Variants in SLC26A5 observed in about 807,000 individuals in gnomAD.
SLC26A5 encodes prestin.
Under a neutral mutation model 81.0 loss-of-function variants are expected in SLC26A5, and 51 were observed. That is an observed-to-expected ratio of 0.63 (90% CI 0.50 to 0.80). SLC26A5 has a LOEUF of 0.80. SLC26A5 is among the 30% of genes least tolerant of loss of function. The pLI, the probability that SLC26A5 is intolerant of heterozygous loss-of-function variation, is 0.00. For missense variants in SLC26A5, 771 were observed against 905.8 expected (o/e 0.85, Z 1.91); for synonymous variants, 325 against 332.8 (o/e 0.98, Z 0.25).
chr7:103,422,005 C>A (rs1200837935), intron 2 of SLC26A5, among the ~76,000 whole-genome samples: 2 of 152,184 alleles, frequency 1.3e-5, no homozygotes, highest in Admixed American at 1.3e-4. Flanking sequence ...GTTGATTACT[C>A]TTTAAATTAT....
intron 14 of SLC26A5, among the ~76,000 whole-genome samples, chr7:103,384,501 A>T (rs189311547): frequency 1.8e-3 from 277 of 152,010 alleles, no homozygotes; most frequent in African/African-American, 6.6e-3. Context: ...AATCCCAGCT[A>T]CTCAAGAGGA....
chr7:103,389,226 C>T, intron 13 of SLC26A5, 103 bp downstream of exon 13: 1 of 1,177,970 alleles, frequency 8.5e-7, no homozygotes, highest in Non-Finnish European at 1.3e-6. Context: ...TAACTGGATA[C>T]TGCACATAAC....
intron 19 of SLC26A5, among the ~76,000 whole-genome samples, chr7:103,360,547 C>T (rs1214652731): frequency 6.6e-6 from 1 of 152,196 alleles, no homozygotes; most frequent in Non-Finnish European, 1.5e-5. Flanking sequence ...GTGCATCCCA[C>T]CACACCTGGC....
At chr7:103,385,439 T>C (rs1822111158) in intron 14 of SLC26A5, among the ~76,000 whole-genome samples, 1 of 152,072 alleles carries the variant, frequency 6.6e-6, no homozygotes. Flanking sequence ...GTCTCTTAAC[T>C]ATGCCTGCTC....
downstream of SLC26A5, among the ~76,000 whole-genome samples, chr7:103,372,124 C>T (rs182001418): frequency 7.3e-3 from 1,105 of 152,228 alleles, 12 homozygotes; most frequent in Non-Finnish European, 0.011. Context: ...GAAGGCAGTC[C>T]GTATCAGAAT....
chr7:103,377,549 A>T, intron 18 of SLC26A5, 50 bp downstream of exon 18: 1 of 1,508,570 alleles, frequency 6.6e-7, no homozygotes, highest in South Asian at 1.1e-5. Flanking sequence ...TGCTGATAGT[A>T]CGACACCAGG....
intron 19 of SLC26A5, among the ~76,000 whole-genome samples, chr7:103,361,166 G>GA (rs11439485): frequency 0.95 from 143,794 of 151,576 alleles, 68,684 homozygotes; most frequent in East Asian, 1. Flanking sequence ...GTTAAAAAAA[G>GA]AAAAAAGTAG....
chr7:103,381,933 T>TCACA (rs59960919), intron 14 of SLC26A5, among the ~76,000 whole-genome samples: 200 of 149,272 alleles, frequency 1.3e-3, no homozygotes, highest in East Asian at 4.4e-3. Context: ...ACACTTCACA[T>TCACA]CACACACACA....
chr7:103,379,201 A>T, intron 16 of SLC26A5, 42 bp downstream of exon 16: 1 of 1,431,582 alleles, frequency 7.0e-7, no homozygotes, highest in Non-Finnish European at 9.9e-7. Flanking sequence ...CTGTCAACCC[A>T]CAAATCCCAT....
rs555585111 is a variant in SLC26A5 at position 103,416,745 on chromosome 7, C to G, written c.293-3633G>C. Among the ~76,000 whole-genome samples, 7 of 152,140 alleles carry G rather than the reference C, an allele frequency of 4.6e-5. No homozygotes were observed. The South Asian group carries it at 1.5e-3, about 32-fold the overall frequency. On this transcript the variant is annotated intron_variant, in intron 4 of 19. Transcript: ENST00000306312. ...ATATTTTTCCTGTTCCACGTGTCTC[C>G]TCTCTCATTTTCTTCCTCCTTGCTA...
At chr7:103,383,467 C>CA (rs1475106386) in intron 14 of SLC26A5, among the ~76,000 whole-genome samples, 1 of 152,152 alleles carries the variant, frequency 6.6e-6, no homozygotes, top group African/African-American at 2.4e-5. Context: ...ACCATTTCTG[C>CA]AAGTCTAAAT....
chr7:103,371,382 T>G (rs1250602118), downstream of SLC26A5, among the ~76,000 whole-genome samples: 1 of 151,364 alleles, frequency 6.6e-6, no homozygotes, highest in Non-Finnish European at 1.5e-5. Context: ...TGGAGTGCAG[T>G]GGCGCGATCT....
At chr7:103,431,172 A>G (rs1348522426) in intron 2 of SLC26A5, among the ~76,000 whole-genome samples, 1 of 152,230 alleles carries the variant, frequency 6.6e-6, no homozygotes. Flanking sequence ...AGAAGAAGCT[A>G]CTGGTTGACT....
chr7:103,380,798 A>T (rs888778794), intron 14 of SLC26A5, among the ~76,000 whole-genome samples: 24 of 151,186 alleles, frequency 1.6e-4, no homozygotes, highest in African/African-American at 5.8e-4. Flanking sequence ...ACCACACATG[A>T]TACGCACACA....
At chr7:103,433,714 T>C (rs2906638) in intron 2 of SLC26A5, among the ~76,000 whole-genome samples, 12,285 of 148,920 alleles carry the variant, frequency 0.082, 546 homozygotes, top group South Asian at 0.12. Context: ...TTTTTTTTTT[T>C]TTTTTTGAGA....
intron 7 of SLC26A5, 43 bp from the exon 8 acceptor site, chr7:103,408,046 C>A (rs1360215653): frequency 7.4e-6 from 12 of 1,613,064 alleles, no homozygotes; most frequent in Non-Finnish European, 1.0e-5. Flanking sequence ...AAGAAATCGC[C>A]CCTGAGAGAG....
intron 14 of SLC26A5, among the ~76,000 whole-genome samples, chr7:103,387,728 C>A (rs567754218): frequency 6.6e-6 from 1 of 152,146 alleles, no homozygotes; most frequent in South Asian, 2.1e-4. Context: ...GTTGCCCAAG[C>A]TGGAGTGCAA....
At chr7:103,362,792 G>GTATTT in intron 19 of SLC26A5, 1 of 867,926 alleles carries the variant, frequency 1.2e-6, no homozygotes, top group Non-Finnish European at 1.8e-6. Flanking sequence ...GGAAGGCTAT[G>GTATTT]TCTTTTTTTT....
At chr7:103,365,885 A>C (rs1468469761) in intron 19 of SLC26A5, among the ~76,000 whole-genome samples, 1 of 151,922 alleles carries the variant, frequency 6.6e-6, no homozygotes, top group African/African-American at 2.4e-5. Flanking sequence ...CCGAGCTCGC[A>C]CCACTGCACT....
Sources: gnomAD v4.1 joint callset for allele counts (sites outside exome capture counted in the v4.1 genomes callset) on GRCh38, gnomAD v4.1.1 for gene constraint, MANE v1.5 for transcripts, NCBI Gene and HGNC (gene_info 2026-07-23, HGNC 2026-07-21) for gene names.